TNRC6B: variants seen among roughly 807,000 people sequenced by gnomAD.
TNRC6B encodes the protein trinucleotide repeat-containing gene 6B protein.
In TNRC6B, 52 loss-of-function variants were observed where a neutral mutation model predicts 203.6. The observed-to-expected ratio is 0.26, with a 90% CI of 0.20 to 0.32. The LOEUF (loss-of-function observed/expected upper bound fraction) is 0.32, where lower values mean the gene tolerates loss of function less well. Ranked by LOEUF, TNRC6B falls within the 10% of genes least tolerant of loss-of-function variation. The pLI is 1.00. For missense variants in TNRC6B, 1,923 were observed against 2,286.2 expected (o/e 0.84, Z 3.24); for synonymous variants, 838 against 845.7 (o/e 0.99, Z 0.16).
At chr22:40,046,544 T>C (rs987110298) in intron 1 of TNRC6B, among the ~76,000 whole-genome samples, 14 of 152,210 alleles carry the variant, frequency 9.2e-5, no homozygotes, top group Admixed American at 7.9e-4. Flanking sequence ...CCGTAGCTGC[T>C]TTTCTGTGGT....
intron 3 of TNRC6B, among the ~76,000 whole-genome samples, chr22:40,130,299 G>A (rs947456880): frequency 4.6e-5 from 7 of 152,144 alleles, no homozygotes; most frequent in Non-Finnish European, 8.8e-5. Context: ...AATGGCGGAG[G>A]GAGTTTTGGA....
At chr22:40,178,188 C>T (rs370694901) in intron 1 of TNRC6B, 48 bp downstream of exon 1, 1 of 1,603,358 alleles carries the variant, frequency 6.2e-7, no homozygotes, top group East Asian at 2.2e-5. Context: ...TTATATGGAT[C>T]TTGTCTAACC....
At chr22:40,200,558 G>C (rs2047260021) in intron 1 of TNRC6B, among the ~76,000 whole-genome samples, 1 of 151,852 alleles carries the variant, frequency 6.6e-6, no homozygotes, top group Non-Finnish European at 1.5e-5. Flanking sequence ...AAAGTGCTGG[G>C]ATTACAGGCG....
chr22:40,288,788 G>T (rs1001130988), intron 12 of TNRC6B, among the ~76,000 whole-genome samples: 3 of 147,250 alleles, frequency 2.0e-5, no homozygotes, highest in African/African-American at 7.6e-5. Context: ...TGATCCACCC[G>T]CCCTGGCCTC....
chr22:40,082,397 A>G (rs2068069795), intron 1 of TNRC6B, among the ~76,000 whole-genome samples: 1 of 152,172 alleles, frequency 6.6e-6, no homozygotes, highest in Non-Finnish European at 1.5e-5. Flanking sequence ...AAGCCATAGG[A>G]GAGCAAGTCT....
At chr22:40,284,411 G>A (rs947066397) in intron 11 of TNRC6B, among the ~76,000 whole-genome samples, 2 of 152,134 alleles carry the variant, frequency 1.3e-5, no homozygotes, top group African/African-American at 4.8e-5. Flanking sequence ...TGTGATTCCA[G>A]GGTTATGATA....
Position 40,327,436 on chromosome 22 carries a change from A to G in TNRC6B, c.*4195A>G, listed in dbSNP as rs1037692351. 6.6e-6 allele frequency: 1 copy of G among 152,460 alleles called. No individual in the cohort carries two copies. Among genetic ancestry groups the G allele is most frequent in the Non-Finnish European group, 1.5e-5 (1 of 68,084 alleles). The allele number at this position is 152,460 out of a possible 1,614,324, so 9.4% of individuals were successfully genotyped here. On this transcript the variant is annotated 3_prime_UTR_variant, in exon 23 of 23. Coordinates refer to ENST00000454349, the MANE Select transcript of TNRC6B (RefSeq NM_001162501.2). Reference sequence around the variant, plus strand: ...GTGTGCCCTCCATTACTGTGCATTGATTCCTCCAGGTGTGTAATTGTGACA... The same window carrying G: ...GTGTGCCCTCCATTACTGTGCATTGGTTCCTCCAGGTGTGTAATTGTGACA...
At chr22:40,235,712 GTGGCTATC>G (rs2069938433) in intron 1 of TNRC6B, among the ~76,000 whole-genome samples, 1 of 152,172 alleles carries the variant, frequency 6.6e-6, no homozygotes, top group Non-Finnish European at 1.5e-5. Context: ...AAATACCCTT[GTGGCTATC>G]TGTCTATTCC....
At chr22:40,297,348 C>T (rs990874414) in intron 12 of TNRC6B, among the ~76,000 whole-genome samples, 3 of 152,074 alleles carry the variant, frequency 2.0e-5, no homozygotes, top group Admixed American at 6.5e-5. Context: ...CCATCCGTGA[C>T]GGGATGGGGG....
intron 1 of TNRC6B, among the ~76,000 whole-genome samples, chr22:40,238,929 G>A (rs560568779): frequency 1.8e-4 from 27 of 151,312 alleles, no homozygotes; most frequent in African/African-American, 5.8e-4. Flanking sequence ...TCGGCTGGGC[G>A]CAGTGGCTCA....
rs950479959 is a variant in TNRC6B at position 40,198,761 on chromosome 22, A to T, written c.5+20621A>T. ...AATAAGGACCGATAAAAATAGCAAT[A>T]AAATCTTTGCAAAAGGCATGCATGC... On this transcript the variant is annotated intron_variant, in intron 1 of 22. Transcript: ENST00000454349. 5.9e-5 allele frequency among the ~76,000 whole-genome samples: 9 copies of T among 152,104 alleles called. 1 individual carries two copies. The highest frequency in any genetic ancestry group is 5.9e-4 in the Admixed American group (9 of 15,270).
chr22:40,172,308 G>A (rs147450667), intron 4 of TNRC6B, among the ~76,000 whole-genome samples: 252 of 152,342 alleles, frequency 1.7e-3, no homozygotes, highest in African/African-American at 5.8e-3. Context: ...TTCTCAGTGA[G>A]TTCCTTCTCC....
intron 15 of TNRC6B, among the ~76,000 whole-genome samples, chr22:40,307,179 ATG>A (rs1018217263): frequency 6.6e-6 from 1 of 152,036 alleles, no homozygotes; most frequent in African/African-American, 2.4e-5. Flanking sequence ...TTGATTTATT[ATG>A]TGTTTATCAA....
At chr22:40,300,687 A>G (rs2071011491) in intron 13 of TNRC6B, 101 bp downstream of exon 13, 3 of 1,448,130 alleles carry the variant, frequency 2.1e-6, no homozygotes, top group Non-Finnish European at 2.8e-6. Flanking sequence ...TTCTATGTTC[A>G]AAGGGTGCTA....
chr22:40,223,651 A>G (rs548182306), intron 1 of TNRC6B, among the ~76,000 whole-genome samples: 1 of 152,320 alleles, frequency 6.6e-6, no homozygotes, highest in African/African-American at 2.4e-5. Flanking sequence ...AAGGTATAAT[A>G]ACGTATTTAA....
intron 4 of TNRC6B, among the ~76,000 whole-genome samples, chr22:40,170,426 T>A (rs2068965851): frequency 8.1e-5 from 2 of 24,654 alleles, no homozygotes; most frequent in Admixed American, 8.2e-4. Context: ...ATATATATAT[T>A]ATATATATAG....
intron 1 of TNRC6B, among the ~76,000 whole-genome samples, chr22:40,215,465 C>CTT (rs2069622499): frequency 6.6e-6 from 1 of 152,236 alleles, no homozygotes; most frequent in African/African-American, 2.4e-5. Context: ...GAAGAAGGAA[C>CTT]TTGCTGCTTC....
At chr22:40,080,095 T>TC (rs1491186942) in intron 1 of TNRC6B, among the ~76,000 whole-genome samples, 1 of 72,082 alleles carries the variant, frequency 1.4e-5, no homozygotes, top group Non-Finnish European at 2.6e-5. Context: ...GTGCCTGGCC[T>TC]TTTTTTTTTT....
intron 12 of TNRC6B, among the ~76,000 whole-genome samples, chr22:40,294,418 C>T (rs1184453241): frequency 6.6e-6 from 1 of 152,182 alleles, no homozygotes; most frequent in Non-Finnish European, 1.5e-5. Context: ...CTCAAAATTT[C>T]CCTCTTCATA....
Sources: gnomAD v4.1 joint callset for allele counts (sites outside exome capture counted in the v4.1 genomes callset) on GRCh38, gnomAD v4.1.1 for gene constraint, MANE v1.5 for transcripts, NCBI Gene and HGNC (gene_info 2026-07-23, HGNC 2026-07-21) for gene names.